LHFPL2: variants seen among roughly 807,000 people sequenced by gnomAD.
LHFPL2 encodes the protein LHFPL tetraspan subfamily member 2 protein.
In LHFPL2, 7 loss-of-function variants were observed where a neutral mutation model predicts 17.5. The observed-to-expected ratio is 0.40, with a 90% confidence interval of 0.23 to 0.75. The LOEUF is 0.75. Among genes scored for constraint, LHFPL2 ranks in the 30% least tolerant of loss-of-function variants. LHFPL2 has a pLI of 0.37. For missense variants in LHFPL2, 241 were observed against 294.8 expected (o/e 0.82, Z 1.34); for synonymous variants, 134 against 116.2 (o/e 1.15, Z -0.99).
intron 2 of LHFPL2, among the ~76,000 whole-genome samples, chr5:78,583,953 C>G (rs1367008618): frequency 4.6e-5 from 7 of 151,978 alleles, no homozygotes; most frequent in African/African-American, 1.7e-4. Context: ...TTCACATAGT[C>G]CCATATTTAT....
intron 3 of LHFPL2, among the ~76,000 whole-genome samples, chr5:78,519,964 C>T (rs901564465): frequency 6.6e-6 from 1 of 151,744 alleles, no homozygotes; most frequent in Non-Finnish European, 1.5e-5. Context: ...TGCTATAAAC[C>T]ACGCTCTAGC....
chr5:78,552,858 G>A (rs16875621), intron 3 of LHFPL2, among the ~76,000 whole-genome samples: 1,995 of 152,270 alleles, frequency 0.013, 42 homozygotes, highest in African/African-American at 0.044. Flanking sequence ...AAGCGTCACG[G>A]GCTATACAGA....
intron 2 of LHFPL2, among the ~76,000 whole-genome samples, chr5:78,585,478 T>C (rs1047509058): frequency 4.6e-5 from 7 of 152,162 alleles, no homozygotes; most frequent in Non-Finnish European, 1.0e-4. Flanking sequence ...ACGCACAGTG[T>C]GTGCACCCAC....
chr5:78,519,492 A>G (rs993282548), intron 3 of LHFPL2, among the ~76,000 whole-genome samples: 8 of 152,114 alleles, frequency 5.3e-5, no homozygotes, highest in African/African-American at 1.9e-4. Flanking sequence ...GTCCAGGGCA[A>G]TGAGCTCATC....
At chr5:78,544,919 A>T (rs748139187) in intron 3 of LHFPL2, among the ~76,000 whole-genome samples, 1 of 152,266 alleles carries the variant, frequency 6.6e-6, no homozygotes, top group African/African-American at 2.4e-5. Flanking sequence ...AAAAGAAAAA[A>T]TTCCCTAACC....
chr5:78,491,747 G>A (rs1754452087), intron 4 of LHFPL2, among the ~76,000 whole-genome samples: 1 of 152,186 alleles, frequency 6.6e-6, no homozygotes, highest in Non-Finnish European at 1.5e-5. Flanking sequence ...GAATTGTGAA[G>A]TCTGTTCTAC....
chr5:78,620,956 C>A (rs1744832154), intron 2 of LHFPL2, among the ~76,000 whole-genome samples: 1 of 146,816 alleles, frequency 6.8e-6, no homozygotes, highest in Non-Finnish European at 1.5e-5. Flanking sequence ...AGAAAATCAT[C>A]ATTCTCAAAC....
intron 2 of LHFPL2, among the ~76,000 whole-genome samples, chr5:78,607,782 G>A (rs1177700225): frequency 6.6e-6 from 1 of 152,166 alleles, no homozygotes. Context: ...AAGAAAAGTG[G>A]TAGGTTTTTT....
intron 4 of LHFPL2, among the ~76,000 whole-genome samples, chr5:78,503,880 ACT>A (rs1754852182): frequency 6.6e-6 from 1 of 151,922 alleles, no homozygotes; most frequent in Non-Finnish European, 1.5e-5. Context: ...TGAAATGATG[ACT>A]CTCTAATACA....
At chr5:78,552,572 A>G (rs994476319) in intron 3 of LHFPL2, among the ~76,000 whole-genome samples, 5 of 152,194 alleles carry the variant, frequency 3.3e-5, no homozygotes, top group African/African-American at 1.2e-4. Flanking sequence ...TCCTTTCTCA[A>G]TCCATGTACT....
At chr5:78,581,164 A>G (rs1251893763) in intron 2 of LHFPL2, among the ~76,000 whole-genome samples, 1 of 152,190 alleles carries the variant, frequency 6.6e-6, no homozygotes, top group Admixed American at 6.5e-5. Context: ...TTGTTGGTGT[A>G]TAAGAATGCT....
At chr5:78,642,573 A>G (rs553698834) in intron 1 of LHFPL2, among the ~76,000 whole-genome samples, 26 of 152,330 alleles carry the variant, frequency 1.7e-4, no homozygotes, top group South Asian at 6.2e-4. Flanking sequence ...TCTTGCACCT[A>G]GCATCAGTTA....
At chr5:78,611,217 C>T (rs1347615140) in intron 2 of LHFPL2, among the ~76,000 whole-genome samples, 6 of 152,200 alleles carry the variant, frequency 3.9e-5, no homozygotes, top group East Asian at 1.9e-4. Context: ...CAGTGCAGCA[C>T]GCGTCCCCAG....
intron 2 of LHFPL2, among the ~76,000 whole-genome samples, chr5:78,599,272 A>G (rs1327585418): frequency 6.6e-6 from 1 of 152,098 alleles, no homozygotes; most frequent in Non-Finnish European, 1.5e-5. Context: ...CAAGATTGAA[A>G]GCGAAGAATA....
At chr5:78,554,191 A>G (rs754399265) in intron 3 of LHFPL2, among the ~76,000 whole-genome samples, 8 of 152,242 alleles carry the variant, frequency 5.3e-5, no homozygotes, top group Non-Finnish European at 7.3e-5. Flanking sequence ...AGGGGCAGAC[A>G]CTGTGCGCGC....
At chr5:78,511,616 G>T (rs76862300) in intron 3 of LHFPL2, among the ~76,000 whole-genome samples, 478 of 152,336 alleles carry the variant, frequency 3.1e-3, no homozygotes, top group Non-Finnish European at 4.6e-3. Flanking sequence ...GGGTGAGGCA[G>T]GGAGTTATCG....
At chr5:78,518,822 G>A (rs570921734) in intron 3 of LHFPL2, among the ~76,000 whole-genome samples, 1 of 152,340 alleles carries the variant, frequency 6.6e-6, no homozygotes, top group South Asian at 2.1e-4. Context: ...TTTCTGGGAA[G>A]AGGGACTTAT....
chr5:78,534,792 C>G (rs1021618819), intron 3 of LHFPL2, among the ~76,000 whole-genome samples: 2 of 152,184 alleles, frequency 1.3e-5, no homozygotes, highest in Non-Finnish European at 2.9e-5. Context: ...GCAAGCTCCT[C>G]CACTTCCAGC....
At chr5:78,532,427 C>G (rs1237727280) in intron 3 of LHFPL2, among the ~76,000 whole-genome samples, 1 of 152,086 alleles carries the variant, frequency 6.6e-6, no homozygotes, top group Admixed American at 6.6e-5. Flanking sequence ...CTGTGGTCAT[C>G]CTACAGCCAT....
Sources: allele counts gnomAD v4.1 joint callset (sites outside exome capture counted in the v4.1 genomes callset), GRCh38; gene constraint gnomAD v4.1.1; transcripts MANE v1.5; gene names NCBI Gene and HGNC (gene_info 2026-07-23, HGNC 2026-07-21).